UTRN: variants seen among roughly 807,000 people sequenced by gnomAD.
UTRN encodes dystrophin-related protein 1.
In UTRN, 283 loss-of-function variants were observed where a neutral mutation model predicts 463.9. That is an observed-to-expected ratio of 0.61 (90% CI 0.55 to 0.67). UTRN has a LOEUF of 0.67. Ranked by LOEUF, UTRN falls within the 30% of genes least tolerant of loss-of-function variation. The probability of loss-of-function intolerance (pLI) is 0.00; values close to 1 mark genes in which losing one functional copy is unlikely to be tolerated. For missense variants in UTRN, 3,922 were observed against 4,084.3 expected, an observed-to-expected ratio of 0.96 and a Z score of 1.08; for synonymous variants, 1,442 against 1,431.5, an observed-to-expected ratio of 1.01 and a Z score of -0.17.
At chr6:144,688,465 A>T (rs1218567256) in intron 52 of UTRN, among the ~76,000 whole-genome samples, 2 of 152,006 alleles carry the variant, frequency 1.3e-5, no homozygotes, top group Admixed American at 6.5e-5. Flanking sequence ...TGCCAGAATT[A>T]TTTTTCTGGC....
At chr6:144,347,408 G>T (rs1291705662) in intron 2 of UTRN, among the ~76,000 whole-genome samples, 1 of 152,202 alleles carries the variant, frequency 6.6e-6, no homozygotes, top group East Asian at 1.9e-4. Context: ...AGGCAGCTTT[G>T]TTACTGCTGC....
chr6:144,708,511 G>A, intron 53 of UTRN: 1 of 433,512 alleles, frequency 2.3e-6, no homozygotes, highest in Non-Finnish European at 4.3e-6. Context: ...AGACACCAGA[G>A]AGGTCCTGGT....
intron 2 of UTRN, among the ~76,000 whole-genome samples, chr6:144,310,082 A>T (rs1672729486): frequency 6.6e-6 from 1 of 152,242 alleles, no homozygotes; most frequent in Non-Finnish European, 1.5e-5. Flanking sequence ...TTCCACTAGA[A>T]TGCAGGTATT....
intron 2 of UTRN, among the ~76,000 whole-genome samples, chr6:144,306,138 G>A (rs1428984500): frequency 6.6e-6 from 1 of 152,084 alleles, no homozygotes; most frequent in East Asian, 1.9e-4. Context: ...CCTTTTCTCT[G>A]TGTTTTTGGT....
intron 43 of UTRN, among the ~76,000 whole-genome samples, chr6:144,535,894 C>CTG (rs1173288182): frequency 2.0e-5 from 3 of 152,098 alleles, no homozygotes; most frequent in Admixed American, 2.0e-4. Flanking sequence ...ATCCTCTCAC[C>CTG]CTAGTCTTCT....
At chr6:144,525,414 A>C (rs1257010945) in intron 41 of UTRN, among the ~76,000 whole-genome samples, 1 of 151,926 alleles carries the variant, frequency 6.6e-6, no homozygotes, top group Non-Finnish European at 1.5e-5. Context: ...TTAATTTAGG[A>C]GGGTTGTATA....
At chr6:144,640,896 A>T (rs1409598268) in intron 51 of UTRN, among the ~76,000 whole-genome samples, 2 of 152,214 alleles carry the variant, frequency 1.3e-5, no homozygotes, top group African/African-American at 4.8e-5. Context: ...AAGTTCCTGA[A>T]CAAAGAATAT....
chr6:144,347,837 G>GTTTTTTTTTTTTTTTT lies in UTRN; in HGVS notation c.80-55274_80-55273insTTTTTTTTTTTTTTTT, dbSNP rs560581181. On this transcript the variant is annotated intron_variant, in intron 2 of 74. Transcript: ENST00000367545. ...TCTCCTGAACTGTGGCTTATTCTTT[G>GTTTTTTTTTTTTTTTT]TTTTTTTTTTTTGTTTTTTTTTTTG... Among the ~76,000 whole-genome samples the GTTTTTTTTTTTTTTTT allele has an allele frequency of 8.4e-4, 108 of 128,888 alleles. 8 individuals carry two copies. Among genetic ancestry groups the GTTTTTTTTTTTTTTTT allele is most frequent in the African/African-American group, 3.3e-3 (98 of 29,456 alleles). The allele number at this position is 128,888 out of a possible 152,430, so 84.6% of individuals were successfully genotyped here. A position where few individuals can be genotyped will look rare whatever the true frequency, so the allele number is the denominator to read the frequency against.
At chr6:144,724,009 C>CAAA (rs59598919) in intron 53 of UTRN, among the ~76,000 whole-genome samples, 51 of 58,692 alleles carry the variant, frequency 8.7e-4, no homozygotes, top group Middle Eastern at 0.013. Context: ...GACTCCATCT[C>CAAA]AAAAAAAAAA....
chr6:144,405,757 A>G (rs1424873084), intron 3 of UTRN, among the ~76,000 whole-genome samples: 1 of 152,228 alleles, frequency 6.6e-6, no homozygotes, highest in Non-Finnish European at 1.5e-5. Flanking sequence ...TCAAAAGTCA[A>G]TCAAACATCG....
In UTRN at chr6:144,751,058, G is replaced by A. The variant is rs568204697; in HGVS notation, c.8209-748G>A. ...GGGATAGATCTTACCTCTTGAGTCT[G>A]TAATAGGCATTGGTTTCATGGTTAG... On this transcript the variant is annotated intron_variant, in intron 55 of 74. Transcript: ENST00000367545. Among the ~76,000 whole-genome samples the A allele has an allele frequency of 2.7e-3, 416 of 152,276 alleles. 2 individuals carry two copies. Among genetic ancestry groups the A allele is most frequent in the Non-Finnish European group, 4.0e-3 (272 of 68,010 alleles).
rs1435312363 is a variant in UTRN at position 144,485,478 on chromosome 6, G to T, written c.3781G>T (p.Val1261Phe). Residue 1261 changes from valine (V) to phenylalanine (F), a missense_variant, in exon 28 of 75, where the codon GTC becomes TTC. This residue lies in a region of UTRN where 2,349 missense variants were observed against 2,303.8 expected (regional missense o/e 1.02). Coordinates refer to ENST00000367545, the MANE Select transcript of UTRN (RefSeq NM_007124.3). ...GGAAGAGCGGATGAAGAGCACAGAG[G>T]TCCTGCCTGAGAAGACGGATGCTGT... is the stretch of plus-strand genomic sequence containing the variant. ...TLEERMKSTE[V>F]LPEKTDAVNE... The T allele has an allele frequency of 5.0e-6, 8 of 1,613,994 alleles. No individual in the cohort carries two copies. The highest frequency in any genetic ancestry group is 1.7e-5 in the Admixed American group (1 of 60,000).
chr6:144,580,005 G>A (rs967892486), intron 51 of UTRN, among the ~76,000 whole-genome samples: 11 of 152,154 alleles, frequency 7.2e-5, no homozygotes, highest in African/African-American at 2.7e-4. Flanking sequence ...ATAGATAGAA[G>A]ATTGTTAGAG....
chr6:144,306,217 G>A (rs567749091), intron 2 of UTRN, among the ~76,000 whole-genome samples: 1 of 152,316 alleles, frequency 6.6e-6, no homozygotes, highest in African/African-American at 2.4e-5. Context: ...AAGCTTGTGA[G>A]CAGAGGGCTG....
At chr6:144,420,592 G>C (rs1028413415) in intron 3 of UTRN, among the ~76,000 whole-genome samples, 2 of 152,200 alleles carry the variant, frequency 1.3e-5, no homozygotes, top group Admixed American at 6.5e-5. Flanking sequence ...TCAGGAAAAA[G>C]AGTTTAGAAA....
At chr6:144,389,424 A>G (rs1473146291) in intron 2 of UTRN, among the ~76,000 whole-genome samples, 5 of 152,304 alleles carry the variant, frequency 3.3e-5, no homozygotes, top group African/African-American at 4.8e-5. Context: ...TTACCTGAGT[A>G]TGCTGCTAAT....
intron 53 of UTRN, among the ~76,000 whole-genome samples, chr6:144,725,319 GA>G (rs1787753408): frequency 6.6e-6 from 1 of 152,154 alleles, no homozygotes; most frequent in Non-Finnish European, 1.5e-5. Flanking sequence ...TGAGTCCATT[GA>G]ATCTCTTTCC....
chr6:144,504,557 A>C (rs1200119256), intron 34 of UTRN, among the ~76,000 whole-genome samples: 1 of 151,534 alleles, frequency 6.6e-6, no homozygotes, highest in Non-Finnish European at 1.5e-5. Flanking sequence ...TTGTGTATGG[A>C]TTACATTTAT....
In UTRN at chr6:144,575,190, G is replaced by A. The variant is rs142661867; in HGVS notation, c.7290-1909G>A. On this transcript the variant is annotated intron_variant, in intron 50 of 74. Transcript: ENST00000367545. The stretch of plus-strand genomic sequence containing the variant: ...TCATCTAAACATCTTCTATGGTAAC[G>A]TATAGGTTTAAATCTTTTGCCCATT... 2.1e-3 allele frequency among the ~76,000 whole-genome samples: 326 copies of A among 152,088 alleles called. 3 individuals carry two copies. Among genetic ancestry groups the A allele is most frequent in the African/African-American group, 7.5e-3 (310 of 41,490 alleles).
Sources: allele counts gnomAD v4.1 joint callset (sites outside exome capture counted in the v4.1 genomes callset), GRCh38; gene constraint gnomAD v4.1.1; regional missense constraint gnomAD v4.1.1; transcripts MANE v1.5; gene names NCBI Gene and HGNC (gene_info 2026-07-23, HGNC 2026-07-21).